NBEA: variants seen among roughly 807,000 people sequenced by gnomAD.
The protein encoded by NBEA is lysosomal-trafficking regulator 2.
NBEA carries 44 observed loss-of-function variants against 343.4 expected under a neutral mutation model. The observed-to-expected ratio is 0.13, with a 90% CI of 0.10 to 0.16. NBEA has a LOEUF of 0.16. NBEA is among the 10% of genes least tolerant of loss of function. NBEA has a pLI of 1.00. For synonymous variants in NBEA, 1,175 were observed against 1,238.7 expected, an observed-to-expected ratio of 0.95 and a Z score of 1.08; for missense variants, 2,555 against 3,631.3, an observed-to-expected ratio of 0.70 and a Z score of 7.62.
chr13:35,548,667 G>A (rs2079175179), intron 41 of NBEA, among the ~76,000 whole-genome samples: 1 of 152,002 alleles, frequency 6.6e-6, no homozygotes, highest in Admixed American at 6.6e-5. Context: ...TGTTGTTGTG[G>A]CTGTTTTGTC....
At chr13:35,075,652 A>G (rs2064081174) in intron 10 of NBEA, among the ~76,000 whole-genome samples, 1 of 151,914 alleles carries the variant, frequency 6.6e-6, no homozygotes. Flanking sequence ...TGTTTAGTGA[A>G]CTTAAATCAC....
At chr13:35,476,302 GCTGCTGCTGC>G in intron 41 of NBEA, 1 of 429,424 alleles carries the variant, frequency 2.3e-6, no homozygotes, top group African/African-American at 4.6e-5. Context: ...TTTCCCTGCT[GCTGCTGCTGC>G]TGCTGCTGCT....
At chr13:35,479,463 G>C (rs923952558) in intron 41 of NBEA, among the ~76,000 whole-genome samples, 1 of 152,108 alleles carries the variant, frequency 6.6e-6, no homozygotes, top group Admixed American at 6.5e-5. Context: ...TCGGAGAAGC[G>C]TGTTTTCCAT....
intron 38 of NBEA, among the ~76,000 whole-genome samples, chr13:35,355,795 C>G (rs755674033): frequency 5.3e-5 from 8 of 151,802 alleles, no homozygotes; most frequent in Non-Finnish European, 8.8e-5. Context: ...TCATTTTCTT[C>G]AGGCCTTAAT....
chr13:35,066,015 G>A (rs1476100797), intron 8 of NBEA, among the ~76,000 whole-genome samples: 1 of 152,048 alleles, frequency 6.6e-6, no homozygotes, highest in East Asian at 1.9e-4. Context: ...AAGCTGGAGT[G>A]CAGTGGTGCA....
At chr13:35,286,235 T>A (rs1018171330) in intron 34 of NBEA, among the ~76,000 whole-genome samples, 2 of 152,190 alleles carry the variant, frequency 1.3e-5, no homozygotes, top group Non-Finnish European at 2.9e-5. Flanking sequence ...GTTTTTTGAA[T>A]GAATTGGGAT....
At chr13:35,563,776 C>T (rs1279504174) in intron 44 of NBEA, among the ~76,000 whole-genome samples, 1 of 151,834 alleles carries the variant, frequency 6.6e-6, no homozygotes, top group Admixed American at 6.6e-5. Flanking sequence ...GAATAATAGA[C>T]ATGAAATATG....
At chr13:35,609,046 T>G (rs1340453818) in intron 48 of NBEA, among the ~76,000 whole-genome samples, 2 of 152,220 alleles carry the variant, frequency 1.3e-5, no homozygotes, top group Admixed American at 6.5e-5. Flanking sequence ...CAGACCTTAT[T>G]TATTTCCTTT....
At chr13:35,505,130 A>T (rs1219994164) in intron 41 of NBEA, among the ~76,000 whole-genome samples, 1 of 152,170 alleles carries the variant, frequency 6.6e-6, no homozygotes, top group Non-Finnish European at 1.5e-5. Context: ...ATTAGCATAC[A>T]TACTGAGATA....
chr13:35,525,590 CA>C (rs1332673408), intron 41 of NBEA, among the ~76,000 whole-genome samples: 1 of 151,890 alleles, frequency 6.6e-6, no homozygotes, highest in South Asian at 2.1e-4. Flanking sequence ...AAATAAAAAA[CA>C]AAAAAACTTG....
At chr13:34,961,576 C>T (rs2059663135) in intron 1 of NBEA, among the ~76,000 whole-genome samples, 1 of 151,910 alleles carries the variant, frequency 6.6e-6, no homozygotes, top group Admixed American at 6.6e-5. Flanking sequence ...CCATTTTATC[C>T]CACAAACTTT....
At chr13:35,393,239 A>C (rs1043404406) in intron 38 of NBEA, among the ~76,000 whole-genome samples, 6 of 152,138 alleles carry the variant, frequency 3.9e-5, no homozygotes, top group African/African-American at 1.2e-4. Context: ...CTCAAAACAC[A>C]TTTTAGCACA....
At chr13:35,586,325 C>G (rs1354750243) in intron 46 of NBEA, among the ~76,000 whole-genome samples, 6 of 152,152 alleles carry the variant, frequency 3.9e-5, no homozygotes, top group Non-Finnish European at 8.8e-5. Flanking sequence ...AGGTGACAAA[C>G]TACAATTATT....
chr13:35,000,714 T>G (rs1444688877), intron 1 of NBEA, among the ~76,000 whole-genome samples: 1 of 151,872 alleles, frequency 6.6e-6, no homozygotes, highest in Admixed American at 6.6e-5. Flanking sequence ...TGGGGAGGTG[T>G]GAAGGTCAAG....
At chr13:35,590,508 A>G (rs1224190884) in intron 46 of NBEA, among the ~76,000 whole-genome samples, 2 of 152,122 alleles carry the variant, frequency 1.3e-5, no homozygotes, top group Non-Finnish European at 2.9e-5. Flanking sequence ...CTTTAATTTC[A>G]GATTTCTTTT....
chr13:35,258,187 T>A (rs9600406), intron 34 of NBEA, among the ~76,000 whole-genome samples: 1 of 149,258 alleles, frequency 6.7e-6, no homozygotes, highest in Non-Finnish European at 1.5e-5. Flanking sequence ...TTTTTTTTTT[T>A]AAACAACATC....
At position 35,232,031 on chromosome 13, in the gene NBEA, G is replaced by T. The variant is rs1273986014; in HGVS notation, c.5649-461G>T. On this transcript the variant is annotated intron_variant, in intron 33 of 58. Coordinates refer to ENST00000379939, the MANE Select transcript of NBEA (RefSeq NM_001385012.1). Reference sequence around the variant, plus strand: ...AATGGAAAATGCCTACTTTGGCAAAGCATTCAACTGTATTACAACGAATTT... The same window carrying T: ...AATGGAAAATGCCTACTTTGGCAAATCATTCAACTGTATTACAACGAATTT... Among the ~76,000 whole-genome samples, 69 of 152,128 alleles carry T rather than the reference G, an allele frequency of 4.5e-4. 2 individuals are homozygous for T. The highest frequency in any genetic ancestry group is 4.5e-3 in the Admixed American group (69 of 15,250).
chr13:35,090,532 A>G (rs1593311915), intron 10 of NBEA, among the ~76,000 whole-genome samples: 4 of 152,038 alleles, frequency 2.6e-5, no homozygotes, highest in Admixed American at 2.0e-4. Context: ...GTGTGAAAGG[A>G]TTTGACAACT....
At chr13:35,639,248 A>G (rs1377339306) in intron 49 of NBEA, among the ~76,000 whole-genome samples, 1 of 152,184 alleles carries the variant, frequency 6.6e-6, no homozygotes, top group South Asian at 2.1e-4. Context: ...AATTTTTTAT[A>G]TAGTTTAATA....
Sources: gnomAD v4.1 joint callset for allele counts (sites outside exome capture counted in the v4.1 genomes callset) on GRCh38, gnomAD v4.1.1 for gene constraint, MANE v1.5 for transcripts, NCBI Gene and HGNC (gene_info 2026-07-23, HGNC 2026-07-21) for gene names.